OR4N5: variants seen among roughly 807,000 people sequenced by gnomAD.
OR4N5 encodes olfactory receptor family 4 subfamily N member 5, also known as olfactory receptor 4N5.
For missense variants in OR4N5, 428 were observed against 370.0 expected (o/e 1.16, Z -1.29); for synonymous variants, 155 against 140.6 (o/e 1.10, Z -0.72).
In OR4N5 at chr14:20,144,444, AT is replaced by A; in HGVS notation, c.712del (p.Ser238ProfsTer33). On this transcript the variant is annotated frameshift_variant, in exon 3 of 3. Coordinates refer to ENST00000641086, the MANE Select transcript of OR4N5 (RefSeq NM_001004724.2). LOFTEE classifies it low-confidence loss of function (END_TRUNC). ...EHSSEGKSKA[I>X]STCTTHIIII... ...CTCCTCTGAAGGAAAGAGCAAGGCT[AT>A]TTCCACATGCACCACCCATATTATC... The A allele has an allele frequency of 2.5e-6, 4 of 1,613,222 alleles. No homozygotes were observed. The highest frequency in any genetic ancestry group is 3.4e-6 in the Non-Finnish European group (4 of 1,179,236).
rs577283125 is a variant in OR4N5 at position 20,145,327 on chromosome 14, A to C, written c.*665A>C. 107 of 152,346 alleles carry C rather than the reference A, an allele frequency of 7.0e-4. No homozygotes were observed. Among genetic ancestry groups the C allele is most frequent in the Middle Eastern group, 3.4e-3 (1 of 294 alleles). 9.4% of individuals were successfully genotyped at this position (152,346 alleles called of 1,614,324 possible). On this transcript the variant is annotated 3_prime_UTR_variant, in exon 3 of 3. Transcript: ENST00000641086. ...AGGAGATTCTTGAAAGACAATAAGCAGGAGAGTAACTCTTTAATGTTTCCT... is the reference window on the plus strand; with the variant it reads ...AGGAGATTCTTGAAAGACAATAAGCCGGAGAGTAACTCTTTAATGTTTCCT...
rs1280981757 is a variant in OR4N5, at chr14:20,143,961, A to C, written c.226A>C (p.Ile76Leu). 5 of 1,613,824 alleles carry C rather than the reference A, an allele frequency of 3.1e-6. No individual in the cohort carries two copies. The highest frequency in any genetic ancestry group is 1.6e-4 in the Middle Eastern group (1 of 6,078). The change falls in exon 3 of 3, where the codon ATT (isoleucine) becomes CTT (leucine). Residue 76 changes from isoleucine to leucine, a missense_variant. By Grantham distance (5) the Ile-to-Leu change is conservative. Transcript: ENST00000641086. ...CTTACTGGATGCATCCTACTCCTTC[A>C]TTGTGGTTCCCAGGATGTTGGTGGA... ...LALLDASYSF[I>L]VVPRMLVDFL... is the part of the protein sequence containing the mutation.
chr14:20,142,554 T>A (rs2139075401), intron 2 of OR4N5, among the ~76,000 whole-genome samples: 1 of 152,290 alleles, frequency 6.6e-6, no homozygotes, highest in Non-Finnish European at 1.5e-5. Context: ...TAAACCTTAA[T>A]TCCAGATTTC....
chr14:20,141,769 C>G (rs1257508358), intron 2 of OR4N5, among the ~76,000 whole-genome samples: 2 of 152,086 alleles, frequency 1.3e-5, no homozygotes, highest in Non-Finnish European at 2.9e-5. Context: ...GAAATGTAAT[C>G]AGCACATTAT....
rs764980544 is a variant in OR4N5, at chr14:20,144,543, G to A, written c.808G>A (p.Val270Ile). 6.2e-6 allele frequency: 10 copies of A among 1,613,968 alleles called. No homozygotes were observed. The highest frequency in any genetic ancestry group is 8.5e-6 in the Non-Finnish European group (10 of 1,179,914). Residue 270 changes from valine (V) to isoleucine (I), a missense_variant, in exon 3 of 3, where the codon GTA (valine) becomes ATA (isoleucine). Transcript: ENST00000641086. ...CTTCCAGGCTTTCCCAGCTGACAAG[G>A]TAGTTTCTCTTTTCCATACTGTCAT... ...CPFQAFPADK[V>I]VSLFHTVIFP...
intron 2 of OR4N5, among the ~76,000 whole-genome samples, chr14:20,141,590 C>T (rs894572961): frequency 3.9e-5 from 6 of 152,054 alleles, no homozygotes; most frequent in Admixed American, 1.3e-4. Context: ...AATTTTCTTA[C>T]GGATTTTTAA....
At chr14:20,140,377 G>T (rs1050991447) in intron 1 of OR4N5, among the ~76,000 whole-genome samples, 2 of 152,114 alleles carry the variant, frequency 1.3e-5, no homozygotes, top group African/African-American at 2.4e-5. Context: ...AGAATGTAAA[G>T]AAATATTGTT....
At position 20,141,084 on chromosome 14, in the gene OR4N5, G is replaced by A. The variant is rs1461063868; in HGVS notation, c.-139G>A. 1 of 152,158 alleles carries A rather than the reference G, an allele frequency of 6.6e-6. No homozygotes were observed. The highest frequency in any genetic ancestry group is 2.4e-5 in the African/African-American group (1 of 41,452). The allele number at this position is 152,158 out of a possible 1,614,324, so 9.4% of individuals were successfully genotyped here. On this transcript the variant is annotated 5_prime_UTR_variant, in exon 2 of 3. Coordinates refer to ENST00000641086, the MANE Select transcript of OR4N5 (RefSeq NM_001004724.2). Reference sequence around the variant, plus strand: ...AGTTAACAGAAAATAGACGGAAATAGTAGAAAATAAAAGCAAAGGAAGAGT... The same window carrying A: ...AGTTAACAGAAAATAGACGGAAATAATAGAAAATAAAAGCAAAGGAAGAGT...
chr14:20,144,115 G>C lies in OR4N5; in HGVS notation c.380G>C (p.Cys127Ser). 1 of 1,614,080 alleles carries C rather than the reference G, an allele frequency of 6.2e-7. No individual in the cohort carries two copies. Among genetic ancestry groups the C allele is most frequent in the Non-Finnish European group, 8.5e-7 (1 of 1,180,004 alleles). ...GCCTTTGACCGCTACATCGCCATCT[G>C]CCGGCCTTTACACTATTCAACCATC... is the stretch of plus-strand genomic sequence containing the variant. ...VMAFDRYIAI[C>S]RPLHYSTIMN... Residue 127 changes from cysteine (C) to serine (S), a missense_variant, in exon 3 of 3, where the codon TGC becomes TCC. Physicochemically the swap from Cys to Ser is moderately radical, Grantham distance 112. Coordinates refer to ENST00000641086, the MANE Select transcript of OR4N5 (RefSeq NM_001004724.2).
In OR4N5 at chr14:20,143,760, G is replaced by C; in HGVS notation, c.25G>C (p.Val9Leu). Residue 9 changes from valine (V) to leucine (L), a missense_variant, in exon 3 of 3, where the codon GTG becomes CTG. By Grantham distance (32) the Val-to-Leu change is conservative. Transcript: ENST00000641086. METQNLTV[V>L]TEFILLGLTQ... is the part of the protein sequence containing the mutation. The stretch of plus-strand genomic sequence containing the variant: ...TATGGAAACACAGAACCTCACAGTG[G>C]TGACAGAATTCATTCTTCTTGGTCT... 6.2e-7 allele frequency: 1 copy of C among 1,611,744 alleles called. No homozygotes were observed.
At chr14:20,142,143 T>G (rs2139075135) in intron 2 of OR4N5, among the ~76,000 whole-genome samples, 1 of 152,204 alleles carries the variant, frequency 6.6e-6, no homozygotes, top group Admixed American at 6.6e-5. Context: ...TATTTTTTTT[T>G]GAGATGGAGT....
intron 2 of OR4N5, among the ~76,000 whole-genome samples, chr14:20,142,203 G>T (rs1294313710): frequency 6.6e-6 from 1 of 151,900 alleles, no homozygotes; most frequent in African/African-American, 2.4e-5. Flanking sequence ...TCAGCTCACT[G>T]CAAGCTCCGC....
chr14:20,144,688 G>A lies in OR4N5; in HGVS notation c.*26G>A, dbSNP rs781347838. 9.8e-5 allele frequency: 144 copies of A among 1,473,064 alleles called. 1 individual carries two copies. The East Asian group carries it at 2.7e-3, about 28-fold the overall frequency. The allele number at this position is 1,473,064 out of a possible 1,614,324, so 91.2% of individuals were successfully genotyped here. A position where few individuals can be genotyped will look rare whatever the true frequency, so the allele number is the denominator to read the frequency against. On this transcript the variant is annotated 3_prime_UTR_variant, in exon 3 of 3. Transcript: ENST00000641086. ...ATAGAAGAAAGAGAAAAGCAAGAAC[G>A]GAGAAAGTCCAGTTGAATTTAGCTA...
intron 1 of OR4N5, among the ~76,000 whole-genome samples, chr14:20,139,327 T>C (rs997127725): frequency 1.3e-5 from 2 of 152,070 alleles, no homozygotes; most frequent in African/African-American, 4.8e-5. Flanking sequence ...TTCATTGACT[T>C]CACAAGTTTG....
chr14:20,143,513 C>T (rs1443300629), intron 2 of OR4N5, among the ~76,000 whole-genome samples: 1 of 152,046 alleles, frequency 6.6e-6, no homozygotes, highest in African/African-American at 2.4e-5. Context: ...GTTAAATGGG[C>T]ATGGAAATGT....
intron 2 of OR4N5, among the ~76,000 whole-genome samples, chr14:20,142,432 C>T (rs1466657045): frequency 6.6e-6 from 1 of 152,140 alleles, no homozygotes; most frequent in African/African-American, 2.4e-5. Context: ...TTTTTAAAAA[C>T]ATAGCTTATA....
chr14:20,144,501 T>G lies in OR4N5; in HGVS notation c.766T>G (p.Phe256Val), dbSNP rs755406201. ...IIFLMFGPAI[F>V]IYTCPFQAFP... ...ATTTCTCATGTTTGGACCTGCTATT[T>G]TCATCTACACTTGCCCCTTCCAGGC... Residue 256 changes from phenylalanine to valine, a missense_variant, in exon 3 of 3, where the codon TTC becomes GTC. By Grantham distance (50) the Phe-to-Val change is conservative. Transcript: ENST00000641086. The G allele has an allele frequency of 1.2e-6, 2 of 1,613,948 alleles. No individual in the cohort carries two copies. The highest frequency in any genetic ancestry group is 1.7e-6 in the Non-Finnish European group (2 of 1,179,942).
At position 20,144,589 on chromosome 14, in the gene OR4N5, T is replaced by A; in HGVS notation, c.854T>A (p.Val285Asp). 1.2e-6 allele frequency: 2 copies of A among 1,613,914 alleles called. No individual in the cohort carries two copies. The highest frequency in any genetic ancestry group is 1.7e-6 in the Non-Finnish European group (2 of 1,179,894). Residue 285 changes from valine to aspartate, a missense_variant, in exon 3 of 3, where the codon GTT (valine) becomes GAT (aspartate). By Grantham distance (152) the Val-to-Asp change is radical. Coordinates refer to ENST00000641086, the MANE Select transcript of OR4N5 (RefSeq NM_001004724.2). ...GTCATCTTTCCTTTGATGAACCCTGTTATTTATACGCTTCGCAACCAGGAG... is the reference window on the plus strand; with the variant it reads ...GTCATCTTTCCTTTGATGAACCCTGATATTTATACGCTTCGCAACCAGGAG... Reference protein sequence around the residue: ...HTVIFPLMNPVIYTLRNQEVK... With the variant: ...HTVIFPLMNPDIYTLRNQEVK...
Position 20,144,580 on chromosome 14 carries a change from T to A in OR4N5, c.845T>A (p.Met282Lys), listed in dbSNP as rs987740356. ...TTCCATACTGTCATCTTTCCTTTGA[T>A]GAACCCTGTTATTTATACGCTTCGC... is the stretch of plus-strand genomic sequence containing the variant. ...SLFHTVIFPL[M>K]NPVIYTLRNQ... The change falls in exon 3 of 3, where the codon ATG becomes AAG. Residue 282 changes from methionine (M) to lysine (K), a missense_variant. Met to Lys is a moderately conservative substitution (Grantham distance 95). Coordinates refer to ENST00000641086, the MANE Select transcript of OR4N5 (RefSeq NM_001004724.2). 6.2e-7 allele frequency: 1 copy of A among 1,614,012 alleles called. No homozygotes were observed. Among genetic ancestry groups the A allele is most frequent in the Non-Finnish European group, 8.5e-7 (1 of 1,179,920 alleles).
Sources: gnomAD v4.1 joint callset for allele counts (sites outside exome capture counted in the v4.1 genomes callset) on GRCh38, gnomAD v4.1.1 for gene constraint, MANE v1.5 for transcripts, NCBI Gene and HGNC (gene_info 2026-07-23, HGNC 2026-07-21) for gene names.